The following PCDH10 variants were observed in gnomAD, a reference collection of about 807,000 sequenced individuals.
The protein encoded by PCDH10 is protocadherin 10, also known as protocadherin-10.
A neutral mutation model predicts 74.4 loss-of-function variants in PCDH10; 15 were observed. The ratio of observed to expected loss-of-function variants is 0.20; its 90% CI spans 0.13 to 0.31. The LOEUF (loss-of-function observed/expected upper bound fraction) is 0.31. Ranked by LOEUF, PCDH10 falls within the 10% of genes least tolerant of loss-of-function variation. The pLI, the probability that PCDH10 is intolerant of heterozygous loss-of-function variation, is 1.00. For missense variants in PCDH10, 1,260 were observed against 1,390.2 expected (o/e 0.91, Z 1.49); for synonymous variants, 619 against 589.8 (o/e 1.05, Z -0.72).
rs745716961 is a variant in PCDH10, at chr4:133,150,987, G to A, written c.847G>A (p.Gly283Ser). 1.9e-6 allele frequency: 3 copies of A among 1,613,848 alleles called. No individual in the cohort carries two copies. The highest frequency in any genetic ancestry group is 2.5e-6 in the Non-Finnish European group (3 of 1,180,054). ...NATDPDEGQNGEVVYSFSSHI... is the reference protein window; with the variant it reads ...NATDPDEGQNSEVVYSFSSHI... ...CACCGACCCGGACGAGGGCCAGAAC[G>A]GTGAGGTCGTGTACTCCTTCAGCAG... The change falls in exon 1 of 5, where the codon GGT becomes AGT. Residue 283 changes from glycine to serine, a missense_variant. Transcript: ENST00000264360.
intron 3 of PCDH10, among the ~76,000 whole-genome samples, chr4:133,160,889 TA>T (rs946955563): frequency 2.4e-4 from 36 of 151,998 alleles, no homozygotes; most frequent in African/African-American, 8.7e-4. Context: ...TTTCTACTAT[TA>T]AAAAAATCTA....
chr4:133,167,114 T>G (rs1727098673), intron 4 of PCDH10, among the ~76,000 whole-genome samples: 1 of 151,482 alleles, frequency 6.6e-6, no homozygotes, highest in Admixed American at 6.6e-5. Flanking sequence ...AAATTTCAAC[T>G]TGACGCACCC....
chr4:133,184,671 T>C (rs1225307940), intron 4 of PCDH10, among the ~76,000 whole-genome samples: 2 of 146,386 alleles, frequency 1.4e-5, no homozygotes, highest in Non-Finnish European at 3.0e-5. Context: ...GTTATTTATT[T>C]ATATTTATTT....
chr4:133,173,599 T>C (rs1461273988), intron 4 of PCDH10, among the ~76,000 whole-genome samples: 2 of 152,050 alleles, frequency 1.3e-5, no homozygotes, highest in African/African-American at 4.8e-5. Flanking sequence ...AGGTTCAATT[T>C]ACTTGAAGAT....
Position 133,150,240 on chromosome 4 carries a change from G to C in PCDH10, c.100G>C (p.Val34Leu). Residue 34 changes from valine (V) to leucine (L), a missense_variant, in exon 1 of 5, where the codon GTG becomes CTG. Val to Leu is a conservative substitution (Grantham distance 32, BLOSUM62 1). Transcript: ENST00000264360. ...VQEEQEHGTF[V>L]GNIAEDLGLD... ...GGAGGAGCAGGAACATGGCACTTTC[G>C]TGGGGAATATCGCTGAAGATCTGGG... The C allele has an allele frequency of 1.9e-6, 3 of 1,613,932 alleles. No individual in the cohort carries two copies. Among genetic ancestry groups the C allele is most frequent in the Non-Finnish European group, 2.5e-6 (3 of 1,179,972 alleles).
intron 4 of PCDH10, among the ~76,000 whole-genome samples, chr4:133,167,561 A>T (rs1727112041): frequency 6.6e-6 from 1 of 151,514 alleles, no homozygotes; most frequent in Admixed American, 6.6e-5. Flanking sequence ...CCTTGCTTTC[A>T]TATAGGCCCA....
Position 133,202,933 on chromosome 4 carries a change from G to A in PCDH10, n.438-5143G>A, listed in dbSNP as rs565380329. 8.5e-5 allele frequency among the ~76,000 whole-genome samples: 13 copies of A among 152,280 alleles called. No individual in the cohort carries two copies. The South Asian group carries it at 2.3e-3, about 27-fold the overall frequency. On this transcript the variant is annotated intron_variant and non_coding_transcript_variant, in intron 2 of 2. Coordinates refer to the PCDH10 transcript ENST00000511112. ...GGCATCAGAGAAGGGGCTGAGGAGAGGTGAGGCCACTTGGTCTTTCAGGGA... is the reference window on the plus strand; with the variant it reads ...GGCATCAGAGAAGGGGCTGAGGAGAAGTGAGGCCACTTGGTCTTTCAGGGA...
chr4:133,168,548 A>G (rs1560709726), intron 4 of PCDH10, among the ~76,000 whole-genome samples: 1 of 151,580 alleles, frequency 6.6e-6, no homozygotes, highest in African/African-American at 2.4e-5. Context: ...GTTCACCCCA[A>G]CCTTTATATT....
At chr4:133,156,685 G>A (rs112970795) in intron 3 of PCDH10, among the ~76,000 whole-genome samples, 3,386 of 152,238 alleles carry the variant, frequency 0.022, 59 homozygotes, top group Non-Finnish European at 0.033. Context: ...TTCTTTGGAT[G>A]CATTTTACTC....
chr4:133,179,306 T>C (rs981670898), intron 4 of PCDH10, among the ~76,000 whole-genome samples: 5 of 152,156 alleles, frequency 3.3e-5, no homozygotes, highest in Non-Finnish European at 7.3e-5. Flanking sequence ...AATTAGACTA[T>C]TTCTCCAAAA....
rs1170256292 is a variant in PCDH10, at chr4:133,194,086, A to G, written c.*3926A>G. On this transcript the variant is annotated 3_prime_UTR_variant, in exon 5 of 5. Coordinates refer to ENST00000264360, the MANE Select transcript of PCDH10 (RefSeq NM_032961.3). Reference sequence around the variant, plus strand: ...TAGGTTTTAGATTATAGCATTCTGTATGAATGCAGGTAGATGGGTGCCGCC... The same window carrying G: ...TAGGTTTTAGATTATAGCATTCTGTGTGAATGCAGGTAGATGGGTGCCGCC... 1.3e-5 allele frequency: 2 copies of G among 151,848 alleles called. No homozygotes were observed. Among genetic ancestry groups the G allele is most frequent in the Non-Finnish European group, 3.0e-5 (2 of 67,768 alleles). The allele number at this position is 151,848 out of a possible 1,614,324, so 9.4% of individuals were successfully genotyped here. A position where few individuals can be genotyped will look rare whatever the true frequency, so the allele number is the denominator to read the frequency against.
In PCDH10 at chr4:133,150,932, C is replaced by T. The variant is rs139977349; in HGVS notation, c.792C>T (p.Pro264=). Residue 264 remains proline, a synonymous_variant, in exon 1 of 5, where the codon CCC becomes CCT. Transcript: ENST00000264360. ...CTGTGTCCCTACCAGAGAACTCTCC[C>T]CCAGGCACTCTCGTGATCCAGCTCA... is the stretch of plus-strand genomic sequence containing the variant. The part of the protein sequence containing the change: ...VYTVSLPENS[P]PGTLVIQLNA... 5.0e-5 allele frequency: 81 copies of T among 1,613,904 alleles called. No individual in the cohort carries two copies. The African/African-American group carries it at 8.1e-4, about 16-fold the overall frequency.
downstream of PCDH10, among the ~76,000 whole-genome samples, chr4:133,195,443 G>A (rs1391353210): frequency 6.6e-6 from 1 of 151,946 alleles, no homozygotes; most frequent in African/African-American, 2.4e-5. Flanking sequence ...ATGATTACAA[G>A]TTGCCTTGCT....
chr4:133,167,536 T>G (rs2125865151), intron 4 of PCDH10, among the ~76,000 whole-genome samples: 1 of 151,624 alleles, frequency 6.6e-6, no homozygotes, highest in African/African-American at 2.4e-5. Context: ...CAAAAATAAA[T>G]ATTTTTATAG....
chr4:133,153,298 T>A (rs1726783726), intron 1 of PCDH10: 1 of 1,002,918 alleles, frequency 1.0e-6, no homozygotes, highest in Admixed American at 5.6e-5. Context: ...AGTTACCAGA[T>A]CCTTCTCCTC....
chr4:133,190,314 C>A lies in PCDH10; in HGVS notation c.*154C>A. On this transcript the variant is annotated 3_prime_UTR_variant, in exon 5 of 5. Coordinates refer to ENST00000264360, the MANE Select transcript of PCDH10 (RefSeq NM_032961.3). Reference sequence around the variant, plus strand: ...GGAGTCATCATGGCCAATTATAGGACCTAATTGCTCTCAGCAGGCCTGAGA... The same window carrying A: ...GGAGTCATCATGGCCAATTATAGGAACTAATTGCTCTCAGCAGGCCTGAGA... The A allele has an allele frequency of 2.9e-6, 2 of 690,842 alleles. No homozygotes were observed. The highest frequency in any genetic ancestry group is 5.3e-6 in the Non-Finnish European group (2 of 379,466). The allele number at this position is 690,842 out of a possible 1,614,324, so 42.8% of individuals were successfully genotyped here. A position where few individuals can be genotyped will look rare whatever the true frequency, so the allele number is the denominator to read the frequency against.
intron 4 of PCDH10, among the ~76,000 whole-genome samples, chr4:133,183,146 G>T (rs1727450208): frequency 6.6e-6 from 1 of 151,968 alleles, no homozygotes; most frequent in African/African-American, 2.4e-5. Context: ...TTTTGTCATA[G>T]TTGAAAGCAC....
chr4:133,163,232 T>C lies in PCDH10; in HGVS notation c.3053T>C (p.Leu1018Pro), dbSNP rs1727008401. ...ALHSTLERKE[L>P]DGLLTNTRAP... is the part of the protein sequence containing the mutation. ...CACAGCACTCTGGAGAGGAAGGAGC[T>C]GGATGGACTGCTGACTAATACGCGA... Residue 1018 changes from leucine (L) to proline (P), a missense_variant, in exon 4 of 5, where the codon CTG becomes CCG. Coordinates refer to ENST00000264360, the MANE Select transcript of PCDH10 (RefSeq NM_032961.3). 1.2e-6 allele frequency: 2 copies of C among 1,614,052 alleles called. No homozygotes were observed. The highest frequency in any genetic ancestry group is 1.7e-5 in the Admixed American group (1 of 59,992).
In PCDH10 at chr4:133,150,613, A is replaced by G; in HGVS notation, c.473A>G (p.Asp158Gly). Reference protein sequence around the residue: ...DPDVGTNSLRDYEITPNSYFS... With the variant: ...DPDVGTNSLRGYEITPNSYFS... ...GACGTGGGCACCAACTCCTTGCGCGACTACGAGATCACCCCCAACAGCTAC... is the reference window on the plus strand; with the variant it reads ...GACGTGGGCACCAACTCCTTGCGCGGCTACGAGATCACCCCCAACAGCTAC... Residue 158 changes from aspartate to glycine, a missense_variant, in exon 1 of 5, where the codon GAC (aspartate) becomes GGC (glycine). Physicochemically the swap from Asp to Gly is moderately conservative, Grantham distance 94 (BLOSUM62 -1). Around this residue, in one of 11 missense-constraint regions of PCDH10, gnomAD observed 35 missense variants for 29.1 expected, o/e 1.20. Coordinates refer to ENST00000264360, the MANE Select transcript of PCDH10 (RefSeq NM_032961.3). 6.2e-7 allele frequency: 1 copy of G among 1,613,286 alleles called. No individual in the cohort carries two copies. The highest frequency in any genetic ancestry group is 8.5e-7 in the Non-Finnish European group (1 of 1,179,940).
Sources: gnomAD v4.1 joint callset for allele counts (sites outside exome capture counted in the v4.1 genomes callset) on GRCh38, gnomAD v4.1.1 for gene constraint, gnomAD v4.1.1 regional missense constraint, MANE v1.5 for transcripts, NCBI Gene and HGNC (gene_info 2026-07-23, HGNC 2026-07-21) for gene names.